The following CCDC102B variants were observed in gnomAD, a reference collection of about 807,000 sequenced individuals.
CCDC102B encodes coiled-coil domain-containing protein 102B.
In CCDC102B, 75 loss-of-function variants were observed where a neutral mutation model predicts 57.4. That is an observed-to-expected ratio of 1.31 (90% CI 1.08 to 1.58). The LOEUF (loss-of-function observed/expected upper bound fraction) is 1.58, where lower values mean the gene tolerates loss of function less well. Among genes scored for constraint, CCDC102B ranks in the 40% most tolerant of loss-of-function variants. The pLI is 0.00. For missense variants in CCDC102B, 636 were observed against 582.6 expected (o/e 1.09, Z -0.94); for synonymous variants, 206 against 201.9 (o/e 1.02, Z -0.17).
At chr18:68,748,878 T>A (rs2033734283) in intron 2 of CCDC102B, among the ~76,000 whole-genome samples, 1 of 152,078 alleles carries the variant, frequency 6.6e-6, no homozygotes, top group East Asian at 1.9e-4. Flanking sequence ...AGGAGGGAAA[T>A]GGAATAAGAA....
intron 5 of CCDC102B, among the ~76,000 whole-genome samples, chr18:68,885,503 T>C (rs2039852580): frequency 6.6e-6 from 1 of 151,986 alleles, no homozygotes; most frequent in South Asian, 2.1e-4. Context: ...CAGTGATAGA[T>C]AAATAAATGA....
chr18:68,856,159 T>A (rs1298159543), intron 4 of CCDC102B, among the ~76,000 whole-genome samples: 1 of 152,230 alleles, frequency 6.6e-6, no homozygotes, highest in Non-Finnish European at 1.5e-5. Context: ...AATATTTTTC[T>A]TTAGTTTTAT....
At chr18:68,760,404 T>A (rs2034214309) in intron 2 of CCDC102B, among the ~76,000 whole-genome samples, 1 of 152,088 alleles carries the variant, frequency 6.6e-6, no homozygotes, top group African/African-American at 2.4e-5. Context: ...AGGTGTAAGA[T>A]AAAAATAAAC....
chr18:68,959,310 C>T (rs1282863372), intron 6 of CCDC102B, among the ~76,000 whole-genome samples: 1 of 152,122 alleles, frequency 6.6e-6, no homozygotes, highest in Non-Finnish European at 1.5e-5. Flanking sequence ...GAAGAATTCA[C>T]TAATTTAGCT....
intron 6 of CCDC102B, among the ~76,000 whole-genome samples, chr18:68,920,996 G>A (rs2041257995): frequency 6.6e-6 from 1 of 152,114 alleles, no homozygotes; most frequent in Non-Finnish European, 1.5e-5. Flanking sequence ...CATGCCAAAG[G>A]TGGCATAAGG....
chr18:68,762,496 A>G (rs1186312855), intron 2 of CCDC102B, among the ~76,000 whole-genome samples: 1 of 152,042 alleles, frequency 6.6e-6, no homozygotes, highest in East Asian at 1.9e-4. Flanking sequence ...ATCGACTGTC[A>G]TGGTATTCCA....
chr18:68,722,900 T>A (rs929886030), intron 2 of CCDC102B, among the ~76,000 whole-genome samples: 4 of 129,834 alleles, frequency 3.1e-5, no homozygotes, highest in Non-Finnish European at 6.4e-5. Flanking sequence ...TTTTGCAACC[T>A]TTTTTTTTTT....
rs531525602 is a variant in CCDC102B, at chr18:68,834,518, G to T, written c.-15-2231G>T. 8.2e-5 allele frequency among the ~76,000 whole-genome samples: 12 copies of T among 146,016 alleles called. No individual in the cohort carries two copies. The South Asian group carries it at 2.6e-3, about 31-fold the overall frequency. ...CTTTTTTATATTGGTGTTGGAATTT[G>T]GTCAGTTGTATTCTTATTGCCCTCT... is the stretch of plus-strand genomic sequence containing the variant. On this transcript the variant is annotated intron_variant, in intron 1 of 7. Coordinates refer to ENST00000360242, the MANE Select transcript of CCDC102B (RefSeq NM_024781.3).
At chr18:68,886,232 A>G (rs902533543) in intron 5 of CCDC102B, among the ~76,000 whole-genome samples, 1 of 152,014 alleles carries the variant, frequency 6.6e-6, no homozygotes, top group Non-Finnish European at 1.5e-5. Flanking sequence ...GAAATAATAG[A>G]CATTATAATT....
chr18:68,953,927 C>T (rs2049771430), intron 6 of CCDC102B, among the ~76,000 whole-genome samples: 4 of 151,798 alleles, frequency 2.6e-5, no homozygotes, highest in African/African-American at 9.7e-5. Context: ...ATTAAAAAAA[C>T]AGGTAAAAAA....
intron 7 of CCDC102B, among the ~76,000 whole-genome samples, chr18:69,027,843 A>G (rs569914981): frequency 6.6e-6 from 1 of 152,314 alleles, no homozygotes; most frequent in Non-Finnish European, 1.5e-5. Flanking sequence ...AATTGTAGTC[A>G]TACCTCCTCC....
chr18:68,958,960 T>G (rs1013883998), intron 6 of CCDC102B, among the ~76,000 whole-genome samples: 1 of 152,218 alleles, frequency 6.6e-6, no homozygotes, highest in African/African-American at 2.4e-5. Flanking sequence ...TTGAATTCTC[T>G]TTCCAAGAGG....
chr18:68,886,444 CAA>C (rs56724754), intron 5 of CCDC102B, among the ~76,000 whole-genome samples: 46 of 151,818 alleles, frequency 3.0e-4, no homozygotes, highest in South Asian at 6.2e-4. Flanking sequence ...TTAACAGCAA[CAA>C]AAAAGTGATC....
At chr18:68,879,306 G>A (rs1437208573) in intron 5 of CCDC102B, among the ~76,000 whole-genome samples, 1 of 152,164 alleles carries the variant, frequency 6.6e-6, no homozygotes, top group Non-Finnish European at 1.5e-5. Context: ...TAGACCCAAA[G>A]AGTGAGCAGT....
At position 68,897,557 on chromosome 18, in the gene CCDC102B, C is replaced by T. The variant is rs761007047; in HGVS notation, c.1263+129C>T. The T allele has an allele frequency of 3.2e-6, 5 of 1,562,732 alleles. No individual in the cohort carries two copies. In the South Asian group the frequency reaches 4.5e-5, roughly 14 times the overall value. ...TTTGTGCCAGCTAATACCTGATACT[C>T]CTTGCTCTTTTGCCCACTAGGATGT... On this transcript the variant is annotated intron_variant, in intron 6 of 7. Coordinates refer to ENST00000360242, the MANE Select transcript of CCDC102B (RefSeq NM_024781.3).
At chr18:68,814,725 G>GAAAAATAT (rs1367911747) in intron 1 of CCDC102B, among the ~76,000 whole-genome samples, 2 of 151,914 alleles carry the variant, frequency 1.3e-5, no homozygotes, top group African/African-American at 4.8e-5. Context: ...CCTGGGTTTT[G>GAAAAATAT]AAAAATATAA....
intron 4 of CCDC102B, among the ~76,000 whole-genome samples, chr18:68,863,441 T>C (rs978427304): frequency 2.0e-5 from 3 of 151,984 alleles, no homozygotes; most frequent in Non-Finnish European, 4.4e-5. Flanking sequence ...TATGATTGTG[T>C]CTCACTGTGG....
intron 2 of CCDC102B, among the ~76,000 whole-genome samples, chr18:68,741,631 C>T (rs1419665954): frequency 1.3e-5 from 2 of 150,780 alleles, no homozygotes; most frequent in African/African-American, 2.4e-5. Context: ...AAGAAAAGGT[C>T]CCTTACCCCA....
intron 6 of CCDC102B, among the ~76,000 whole-genome samples, chr18:69,009,777 T>C (rs2051452437): frequency 6.6e-6 from 1 of 151,840 alleles, no homozygotes. Flanking sequence ...ATGCATTTTT[T>C]TATTATTGCC....
Sources: allele counts gnomAD v4.1 joint callset (sites outside exome capture counted in the v4.1 genomes callset), GRCh38; gene constraint gnomAD v4.1.1; transcripts MANE v1.5; gene names NCBI Gene and HGNC (gene_info 2026-07-23, HGNC 2026-07-21).